Variants in KANK1 observed in about 807,000 individuals in gnomAD.
The protein encoded by KANK1 is KN motif and ankyrin repeat domains 1.
A neutral mutation model predicts 106.2 loss-of-function variants in KANK1; 109 were observed. The observed-to-expected ratio is 1.03, with a 90% confidence interval of 0.88 to 1.20. The LOEUF is 1.20. Among genes scored for constraint, KANK1 ranks in the 50% most tolerant of loss-of-function variants. KANK1 has a pLI of 0.00. For synonymous variants in KANK1, 873 were observed against 652.2 expected (o/e 1.34, Z -5.16); for missense variants, 2,399 against 1,710.7 (o/e 1.40, Z -7.10).
chr9:595,839 A>G lies in KANK1; in HGVS notation c.-83-81051A>G, dbSNP rs141852845. Among the ~76,000 whole-genome samples, 401 of 151,994 alleles carry G rather than the reference A, an allele frequency of 2.6e-3. 11 individuals carry two copies. The highest frequency in any genetic ancestry group is 9.0e-3 in the African/African-American group (370 of 41,270). On this transcript the variant is annotated intron_variant, in intron 1 of 11. Transcript: ENST00000382297. ...GCCCAGCCTCATGAGAAGATTTATG[A>G]TGATAGATAGAAGAATTATTAATTT...
At chr9:657,843 G>A (rs1362598299) in intron 1 of KANK1, among the ~76,000 whole-genome samples, 1 of 151,910 alleles carries the variant, frequency 6.6e-6, no homozygotes, top group African/African-American at 2.4e-5. Flanking sequence ...AAGAAAATAT[G>A]GGAAATTTCC....
At position 722,429 on chromosome 9, in the gene KANK1, G is replaced by C. The variant is rs373607269; in HGVS notation, c.2699-7622G>C. 3.9e-5 allele frequency among the ~76,000 whole-genome samples: 6 copies of C among 152,116 alleles called. No individual in the cohort carries two copies. In the East Asian group the frequency reaches 9.7e-4, roughly 24 times the overall value. ...TTTTTAAAGTCTCACCCTCGATTCA[G>C]GTGATTCTAAAGGGTAGCTAGGGTT... On this transcript the variant is annotated intron_variant, in intron 3 of 11. Transcript: ENST00000382297.
chr9:495,385 C>T (rs1027790061), intron 3 of KANK1: 33 of 152,210 alleles, frequency 2.2e-4, no homozygotes, highest in African/African-American at 7.7e-4. Context: ...ATAAAAGACT[C>T]TTACGTAACC....
chr9:663,357 T>TC (rs774752267), intron 1 of KANK1, among the ~76,000 whole-genome samples: 3 of 152,290 alleles, frequency 2.0e-5, no homozygotes, highest in Non-Finnish European at 4.4e-5. Flanking sequence ...ACTAACACAG[T>TC]CATATTTATA....
intron 2 of KANK1, among the ~76,000 whole-genome samples, chr9:677,910 A>G (rs1322256696): frequency 1.3e-5 from 2 of 152,202 alleles, no homozygotes; most frequent in Non-Finnish European, 1.5e-5. Flanking sequence ...CTCCACATGT[A>G]AACCATCGGT....
At chr9:699,183 G>A (rs768015207) in intron 2 of KANK1, among the ~76,000 whole-genome samples, 1 of 152,168 alleles carries the variant, frequency 6.6e-6, no homozygotes, top group Non-Finnish European at 1.5e-5. Flanking sequence ...TCCCTGCTGT[G>A]TTCCAACATA....
intron 1 of KANK1, among the ~76,000 whole-genome samples, chr9:528,591 C>T (rs543170406): frequency 3.2e-4 from 45 of 141,000 alleles, no homozygotes; most frequent in Non-Finnish European, 6.1e-4. Context: ...AAGGTTGAAG[C>T]AATTCTCCAG....
chr9:612,714 G>A lies in KANK1; in HGVS notation c.-83-64176G>A, dbSNP rs148840263. Among the ~76,000 whole-genome samples, 700 of 152,224 alleles carry A rather than the reference G, an allele frequency of 4.6e-3. 13 individuals are homozygous for A. The highest frequency in any genetic ancestry group is 0.016 in the African/African-American group (653 of 41,508). ...AAGAAGCTGCTTAGAAATTTAAGCC[G>A]GACATCTCAGGCGGCCATACTGGAA... On this transcript the variant is annotated intron_variant, in intron 1 of 11. Transcript: ENST00000382297.
intron 1 of KANK1, among the ~76,000 whole-genome samples, chr9:515,634 G>A (rs905907233): frequency 6.6e-6 from 1 of 151,544 alleles, no homozygotes; most frequent in African/African-American, 2.4e-5. Context: ...ATTTATTTTT[G>A]CCTTTCACTT....
rs879119469 is a variant in KANK1, at chr9:734,905, G to A, written c.3333+70G>A. On this transcript the variant is annotated intron_variant, in intron 7 of 11. Transcript: ENST00000382297. ...ATGAGTGGGTTCATTGTCAAGGCCAGCTGTAGGCTGCCCGAGCTGTTGCTT... is the reference window on the plus strand; with the variant it reads ...ATGAGTGGGTTCATTGTCAAGGCCAACTGTAGGCTGCCCGAGCTGTTGCTT... 5.5e-6 allele frequency: 6 copies of A among 1,092,900 alleles called. No individual in the cohort carries two copies. The South Asian group carries it at 7.6e-5, about 14-fold the overall frequency. The allele number at this position is 1,092,900 out of a possible 1,614,324, so 67.7% of individuals were successfully genotyped here. A position where few individuals can be genotyped will look rare whatever the true frequency, so the allele number is the denominator to read the frequency against.
At chr9:705,070 C>G (rs1823709962) in intron 2 of KANK1, among the ~76,000 whole-genome samples, 1 of 150,728 alleles carries the variant, frequency 6.6e-6, no homozygotes, top group Non-Finnish European at 1.5e-5. Context: ...TAAAAATCAT[C>G]TATAATTCCA....
In KANK1 at chr9:673,116, A is replaced by G. The variant is rs149697515; in HGVS notation, c.-83-3774A>G. ...TTGAGGCCGCCTGTCAGCATGAATAATAACTGAGAAAAATCAATACACAAT... is the reference window on the plus strand; with the variant it reads ...TTGAGGCCGCCTGTCAGCATGAATAGTAACTGAGAAAAATCAATACACAAT... On this transcript the variant is annotated intron_variant, in intron 1 of 11. Transcript: ENST00000382297. Among the ~76,000 whole-genome samples the G allele has an allele frequency of 5.3e-3, 806 of 152,256 alleles. 7 individuals carry two copies. Among genetic ancestry groups the G allele is most frequent in the African/African-American group, 0.019 (773 of 41,542 alleles).
intron 1 of KANK1, among the ~76,000 whole-genome samples, chr9:656,627 C>A (rs10975604): frequency 0.24 from 36,869 of 152,082 alleles, 5,704 homozygotes; most frequent in South Asian, 0.45. Context: ...CCTACTCCCT[C>A]CCGGTGCCTG....
At chr9:562,294 C>G (rs1426898285) in intron 1 of KANK1, among the ~76,000 whole-genome samples, 2 of 151,806 alleles carry the variant, frequency 1.3e-5, no homozygotes. Context: ...CCTCATGATC[C>G]ACCCGCCTCG....
At chr9:534,622 C>T (rs1057497706) in intron 1 of KANK1, among the ~76,000 whole-genome samples, 1 of 152,178 alleles carries the variant, frequency 6.6e-6, no homozygotes, top group Non-Finnish European at 1.5e-5. Flanking sequence ...ATGCAGCAGC[C>T]TACTGGCTGA....
At chr9:735,650 G>C in intron 7 of KANK1, 1 of 327,052 alleles carries the variant, frequency 3.1e-6, no homozygotes, top group South Asian at 2.6e-5. Context: ...TATAAACTAT[G>C]CATCTACTTT....
At chr9:567,760 C>G (rs1818164271) in intron 1 of KANK1, among the ~76,000 whole-genome samples, 1 of 152,212 alleles carries the variant, frequency 6.6e-6, no homozygotes, top group South Asian at 2.1e-4. Flanking sequence ...CAGTGTTGGC[C>G]CATTTTAAAA....
chr9:709,234 C>T (rs1325421644), intron 2 of KANK1, among the ~76,000 whole-genome samples: 1 of 152,176 alleles, frequency 6.6e-6, no homozygotes, highest in Non-Finnish European at 1.5e-5. Flanking sequence ...AAGTGGAAAA[C>T]ACAAAATAGA....
intron 1 of KANK1, among the ~76,000 whole-genome samples, chr9:659,076 T>C (rs1264623250): frequency 6.6e-6 from 1 of 152,220 alleles, no homozygotes; most frequent in Non-Finnish European, 1.5e-5. Context: ...CACATATAGT[T>C]CGTGCCTATA....
Sources: gnomAD v4.1 joint callset for allele counts (sites outside exome capture counted in the v4.1 genomes callset) on GRCh38, gnomAD v4.1.1 for gene constraint, MANE v1.5 for transcripts, NCBI Gene and HGNC (gene_info 2026-07-23, HGNC 2026-07-21) for gene names.